The following SNAPC4 variants were observed in gnomAD, a reference collection of about 807,000 sequenced individuals.
The protein encoded by SNAPC4 is small nuclear RNA activating complex polypeptide 4.
In SNAPC4, 127 loss-of-function variants were observed where a neutral mutation model predicts 151.3. The ratio of observed to expected loss-of-function variants is 0.84; its 90% CI spans 0.73 to 0.97. SNAPC4 has a LOEUF of 0.97. SNAPC4 is among the 50% of genes least tolerant of loss of function. The pLI, the probability that SNAPC4 is intolerant of heterozygous loss-of-function variation, is 0.00. For synonymous variants in SNAPC4, 1,002 were observed against 824.4 expected, an observed-to-expected ratio of 1.22 and a Z score of -3.69; for missense variants, 2,186 against 1,935.0, an observed-to-expected ratio of 1.13 and a Z score of -2.43.
In SNAPC4 at chr9:136,395,894, A is replaced by G. The variant is rs1834253249; in HGVS notation, c.178-124T>C. On this transcript the variant is annotated intron_variant, in intron 3 of 23. Coordinates refer to ENST00000684778, the MANE Select transcript of SNAPC4 (RefSeq NM_003086.4). ...GGCAGCTCTGGCATAGCAACACCCA[A>G]TGTGGAAGCAGGAAGTGACCCTGGT... The G allele has an allele frequency of 1.1e-5, 10 of 936,542 alleles. 1 individual carries two copies. The South Asian group carries it at 1.4e-4, about 14-fold the overall frequency. 58.0% of individuals were successfully genotyped at this position (936,542 alleles called of 1,614,324 possible).
In SNAPC4 at chr9:136,381,347, G is replaced by A. The variant is rs762031078; in HGVS notation, c.2363C>T (p.Thr788Ile). ...CTGGGTAAACAGGGTAAACACAGGG[G>A]TGCTGGCCAGGCGGGCCTGCTGCAG... ...EQLQQARLASTPVFTLFTQLF... is the reference protein window; with the variant it reads ...EQLQQARLASIPVFTLFTQLF... The change falls in exon 19 of 24, where the codon ACC (threonine) becomes ATC (isoleucine). Residue 788 changes from threonine to isoleucine, a missense_variant. Transcript: ENST00000684778. The A allele has an allele frequency of 6.2e-7, 1 of 1,612,882 alleles. No homozygotes were observed. The highest frequency in any genetic ancestry group is 8.5e-7 in the Non-Finnish European group (1 of 1,179,856).
At position 136,383,288 on chromosome 9, in the gene SNAPC4, C is replaced by G; in HGVS notation, c.1881G>C (p.Pro627=). The change falls in exon 16 of 24, where the codon CCG becomes CCC. Residue 627 remains proline, a synonymous_variant. Transcript: ENST00000684778. The surrounding 1 kb of genome is among the most constrained non-coding windows in gnomAD (Gnocchi z 4.2). The part of the protein sequence containing the change: ...TAAAPGEETS[P]VQVPARAHGP... Reference sequence around the variant, plus strand: ...CGTGGGCCCTGGCAGGGACCTGCACCGGACTCGTCTCCTCTCCAGGAGCCG... The same window carrying G: ...CGTGGGCCCTGGCAGGGACCTGCACGGGACTCGTCTCCTCTCCAGGAGCCG... 4 of 1,612,204 alleles carry G rather than the reference C, an allele frequency of 2.5e-6. No homozygotes were observed. The highest frequency in any genetic ancestry group is 3.4e-6 in the Non-Finnish European group (4 of 1,179,710).
chr9:136,397,297 A>G (rs1277132184), intron 2 of SNAPC4, among the ~76,000 whole-genome samples: 1 of 152,148 alleles, frequency 6.6e-6, no homozygotes, highest in Non-Finnish European at 1.5e-5. Flanking sequence ...GGCACAAGCT[A>G]TCTTTACTGG....
intron 10 of SNAPC4, among the ~76,000 whole-genome samples, chr9:136,390,145 A>T (rs942599677): frequency 4.6e-5 from 7 of 152,308 alleles, no homozygotes; most frequent in Admixed American, 1.3e-4. Flanking sequence ...GGAGGACACC[A>T]GGAACACCCA....
Position 136,382,335 on chromosome 9 carries a change from C to G in SNAPC4, c.1985G>C (p.Gly662Ala). The change falls in exon 17 of 24, where the codon GGT becomes GCT. Residue 662 changes from glycine (G) to alanine (A), a missense_variant and splice_region_variant. Physicochemically the swap from Gly to Ala is moderately conservative, Grantham distance 60. Transcript: ENST00000684778. ...PAGAEKQALE[G>A]GRRLLTVPVE... ...AGGCACTGTCAGCAGACGCCTCCCA[C>G]CCTGATGAGAAAGCTGCCTGAGGCG... The G allele has an allele frequency of 6.2e-7, 1 of 1,613,034 alleles. No individual in the cohort carries two copies. Among genetic ancestry groups the G allele is most frequent in the Non-Finnish European group, 8.5e-7 (1 of 1,179,884 alleles).
In SNAPC4 at chr9:136,380,696, G is replaced by A. The variant is rs778993841; in HGVS notation, c.2499+44C>T. On this transcript the variant is annotated intron_variant, in intron 20 of 23. Transcript: ENST00000684778. ...CGTGGAAACCCACTCCAACGCCGGG[G>A]CGGGCAGTGGCCATCCTCACTTCTC... 7 of 1,117,750 alleles carry A rather than the reference G, an allele frequency of 6.3e-6. No homozygotes were observed. The African/African-American group carries it at 9.1e-5, about 15-fold the overall frequency. 69.2% of individuals were successfully genotyped at this position (1,117,750 alleles called of 1,614,324 possible).
In SNAPC4 at chr9:136,383,791, G is replaced by A. The variant is rs1317591881; in HGVS notation, c.1501-123C>T. 5.5e-5 allele frequency: 76 copies of A among 1,383,430 alleles called. No homozygotes were observed. The highest frequency in any genetic ancestry group is 4.7e-5 in the Non-Finnish European group (47 of 1,001,878). The allele number at this position is 1,383,430 out of a possible 1,614,324, so 85.7% of individuals were successfully genotyped here. Reference sequence around the variant, plus strand: ...GGCGCCTCCGGGGTCAAGAGCAGCCGCTGCCGAGGCAGGGTCTCCCTTTGC... The same window carrying A: ...GGCGCCTCCGGGGTCAAGAGCAGCCACTGCCGAGGCAGGGTCTCCCTTTGC... On this transcript the variant is annotated intron_variant, in intron 15 of 23. Coordinates refer to ENST00000684778, the MANE Select transcript of SNAPC4 (RefSeq NM_003086.4). This position sits in a 1 kb window ranked among gnomAD's most constrained non-coding sequence, Gnocchi z 4.2.
At position 136,395,727 on chromosome 9, in the gene SNAPC4, G is replaced by C. The variant is rs756797933; in HGVS notation, c.221C>G (p.Pro74Arg). Residue 74 changes from proline to arginine, a missense_variant, in exon 4 of 24, where the codon CCC becomes CGC. Pro to Arg is a moderately radical substitution (Grantham distance 103, BLOSUM62 -2). Coordinates refer to ENST00000684778, the MANE Select transcript of SNAPC4 (RefSeq NM_003086.4). Reference sequence around the variant, plus strand: ...GTCTTCAGGGAGGGTTTTATCCTTGGGATCGTCCTCGTCATTGCTGGCTTC... The same window carrying C: ...GTCTTCAGGGAGGGTTTTATCCTTGCGATCGTCCTCGTCATTGCTGGCTTC... ...WGEASNDEDD[P>R]KDKTLPEDPE... 5.6e-6 allele frequency: 9 copies of C among 1,613,420 alleles called. No homozygotes were observed.
chr9:136,382,455 A>C, intron 16 of SNAPC4, 119 bp from the exon 17 acceptor site: 1 of 848,246 alleles, frequency 1.2e-6, no homozygotes, highest in Admixed American at 2.1e-5. Flanking sequence ...GGCTGTGTAC[A>C]GCTCTGCTCT....
rs574841239 is a variant in SNAPC4, at chr9:136,377,943, G to A, written c.3884C>T (p.Pro1295Leu). Residue 1295 changes from proline to leucine, a missense_variant, in exon 22 of 24, where the codon CCT (proline) becomes CTT (leucine). Coordinates refer to ENST00000684778, the MANE Select transcript of SNAPC4 (RefSeq NM_003086.4). Reference protein sequence around the residue: ...WLGGQRGVRVPLLGSRLPYQP... With the variant: ...WLGGQRGVRVLLLGSRLPYQP... ...ATAGGGCAGTCTGCTGCCCAGAAGA[G>A]GCACACGCACCCCCCGCTGGCCCCC... The A allele has an allele frequency of 4.4e-6, 7 of 1,605,922 alleles. No individual in the cohort carries two copies. The South Asian group carries it at 5.5e-5, about 13-fold the overall frequency.
chr9:136,377,618 T>A lies in SNAPC4; in HGVS notation c.4209A>T (p.Glu1403Asp), dbSNP rs1225355822. ...PSRVGSESED[E>D]DLLSELELAD... ...CAAGTTCCAGCTCACTCAGGAGGTC[T>A]TCATCCTCACTCTCAGAGCCCACCC... The change falls in exon 22 of 24, where the codon GAA becomes GAT. Residue 1403 changes from glutamate to aspartate, a missense_variant. Glu to Asp is a conservative substitution (Grantham distance 45). Coordinates refer to ENST00000684778, the MANE Select transcript of SNAPC4 (RefSeq NM_003086.4). The A allele has an allele frequency of 1.3e-6, 2 of 1,567,216 alleles. No individual in the cohort carries two copies. Among genetic ancestry groups the A allele is most frequent in the Non-Finnish European group, 8.7e-7 (1 of 1,154,956 alleles).
intron 3 of SNAPC4, among the ~76,000 whole-genome samples, chr9:136,396,115 C>T (rs944299210): frequency 1.3e-5 from 2 of 152,236 alleles, no homozygotes; most frequent in Non-Finnish European, 2.9e-5. Flanking sequence ...GAGCCCCTGT[C>T]GTGTGCATCA....
At chr9:136,395,559 G>C in intron 4 of SNAPC4, 44 bp downstream of exon 4, 1 of 1,577,048 alleles carries the variant, frequency 6.3e-7, no homozygotes, top group South Asian at 1.1e-5. Context: ...GGGGGCTCTG[G>C]GGGTGGGGAG....
chr9:136,393,616 A>AC (rs1427224805), intron 7 of SNAPC4, among the ~76,000 whole-genome samples: 2 of 150,956 alleles, frequency 1.3e-5, no homozygotes, highest in Non-Finnish European at 3.0e-5. Flanking sequence ...CCTGAACCAC[A>AC]CCCCTCATCA....
At chr9:136,381,227 T>C (rs1433849512) in intron 19 of SNAPC4, 95 bp downstream of exon 19, 16 of 986,674 alleles carry the variant, frequency 1.6e-5, no homozygotes, top group Non-Finnish European at 2.4e-5. Context: ...TTTAGATAGC[T>C]AGACTTTAAG....
chr9:136,377,588 G>A lies in SNAPC4; in HGVS notation c.4239C>T (p.Asp1413=). 1 of 1,529,514 alleles carries A rather than the reference G, an allele frequency of 6.5e-7. No homozygotes were observed. The allele number at this position is 1,529,514 out of a possible 1,614,324, so 94.7% of individuals were successfully genotyped here. A position where few individuals can be genotyped will look rare whatever the true frequency, so the allele number is the denominator to read the frequency against. ...TCGTGCAGCCCGGCTGCCCGTCCCT[G>A]TCTGCAAGTTCCAGCTCACTCAGGA... The part of the protein sequence containing the change: ...EDLLSELELA[D]RDGQPGCTTA... The change falls in exon 22 of 24, where the codon GAC becomes GAT. Residue 1413 remains aspartate (D), a synonymous_variant. Transcript: ENST00000684778.
chr9:136,379,086 G>T lies in SNAPC4; in HGVS notation c.2741C>A (p.Pro914Gln). 2 of 1,566,888 alleles carry T rather than the reference G, an allele frequency of 1.3e-6. No homozygotes were observed. The highest frequency in any genetic ancestry group is 2.3e-5 in the East Asian group (1 of 43,650). Residue 914 changes from proline (P) to glutamine (Q), a missense_variant, in exon 22 of 24, where the codon CCG becomes CAG. Transcript: ENST00000684778. ...CAGCAGCTGGGACGGGAGCACCACCGGGCCCCGGGTGGCCTCCCTGGCACG... is the reference window on the plus strand; with the variant it reads ...CAGCAGCTGGGACGGGAGCACCACCTGGCCCCGGGTGGCCTCCCTGGCACG... ...EARAREATRGPVVLPSQLLVS... is the reference protein window; with the variant it reads ...EARAREATRGQVVLPSQLLVS...
chr9:136,399,721 G>A (rs903567158), intron 1 of SNAPC4, among the ~76,000 whole-genome samples: 2 of 152,200 alleles, frequency 1.3e-5, no homozygotes, highest in South Asian at 2.1e-4. Flanking sequence ...GGATGCGCCA[G>A]GACGATGGGC....
chr9:136,390,769 A>G (rs1465214935), intron 10 of SNAPC4, among the ~76,000 whole-genome samples: 1 of 152,080 alleles, frequency 6.6e-6, no homozygotes, highest in East Asian at 1.9e-4. Context: ...CGATTAAAAA[A>G]AGTTATGTGT....
Sources: allele counts gnomAD v4.1 joint callset (sites outside exome capture counted in the v4.1 genomes callset), GRCh38; gene constraint gnomAD v4.1.1; non-coding constraint Gnocchi (gnomAD v3.1); transcripts MANE v1.5; gene names NCBI Gene and HGNC (gene_info 2026-07-23, HGNC 2026-07-21).